SAMMSON: variants seen among roughly 807,000 people sequenced by gnomAD.
SAMMSON encodes survival associated mitochondrial melanoma specific oncogenic non-coding RNA.
intron 3 of SAMMSON, among the ~76,000 whole-genome samples, chr3:70,039,608 C>CAG: frequency 7.1e-6 from 1 of 141,810 alleles, no homozygotes; most frequent in South Asian, 2.2e-4. Flanking sequence ...CACACACACA[C>CAG]ACACACACAC....
At chr3:70,301,109 T>C (rs1702344326) in intron 7 of SAMMSON, among the ~76,000 whole-genome samples, 1 of 152,112 alleles carries the variant, frequency 6.6e-6, no homozygotes, top group South Asian at 2.1e-4. Flanking sequence ...GGCTGGGTGA[T>C]AAAGATTATT....
At chr3:70,275,306 T>C (rs905823513) in intron 6 of SAMMSON, among the ~76,000 whole-genome samples, 2 of 152,094 alleles carry the variant, frequency 1.3e-5, no homozygotes, top group African/African-American at 4.8e-5. Context: ...GAGGATCACT[T>C]GAGCCCAGCC....
intron 4 of SAMMSON, among the ~76,000 whole-genome samples, chr3:70,113,297 T>C (rs1453759079): frequency 6.6e-6 from 1 of 152,204 alleles, no homozygotes; most frequent in Non-Finnish European, 1.5e-5. Flanking sequence ...CCCAAATCAA[T>C]TTTTCCATGT....
chr3:70,104,394 A>G (rs1365933399), intron 4 of SAMMSON, among the ~76,000 whole-genome samples: 3 of 152,034 alleles, frequency 2.0e-5, no homozygotes, highest in Non-Finnish European at 2.9e-5. Context: ...GAGTGAAATC[A>G]TGCATGCAAG....
intron 6 of SAMMSON, among the ~76,000 whole-genome samples, chr3:70,263,987 C>G (rs1701891800): frequency 6.6e-6 from 1 of 152,140 alleles, no homozygotes; most frequent in African/African-American, 2.4e-5. Flanking sequence ...TTCAGGCTCT[C>G]CTACTCTGTC....
At chr3:70,390,493 CT>C (rs1421544278), downstream of SAMMSON, among the ~76,000 whole-genome samples, 2 of 152,066 alleles carry the variant, frequency 1.3e-5, no homozygotes, top group African/African-American at 4.8e-5. Context: ...CCTCAAGAAG[CT>C]TCCAATCATG....
chr3:70,236,435 T>A (rs1701609752), intron 4 of SAMMSON, among the ~76,000 whole-genome samples: 1 of 152,230 alleles, frequency 6.6e-6, no homozygotes, highest in African/African-American at 2.4e-5. Context: ...CCTATTTGTT[T>A]ATTAGCCTTA....
intron 4 of SAMMSON, among the ~76,000 whole-genome samples, chr3:70,109,225 AAC>A (rs1289676473): frequency 6.6e-6 from 1 of 152,086 alleles, no homozygotes; most frequent in Non-Finnish European, 1.5e-5. Flanking sequence ...CACTCACATA[AAC>A]ACAAGTCTAC....
chr3:70,346,092 C>T (rs935610541), intron 7 of SAMMSON, among the ~76,000 whole-genome samples: 2 of 152,054 alleles, frequency 1.3e-5, no homozygotes, highest in Non-Finnish European at 2.9e-5. Flanking sequence ...CTCTGTGTTC[C>T]CACTAGGACT....
At chr3:70,095,708 A>G (rs2067320720) in intron 4 of SAMMSON, among the ~76,000 whole-genome samples, 2 of 152,182 alleles carry the variant, frequency 1.3e-5, no homozygotes, top group South Asian at 4.1e-4. Context: ...TGAGGGTTAA[A>G]TAAGAAAATA....
At chr3:70,291,147 A>G (rs894914151) in intron 6 of SAMMSON, 2 of 152,116 alleles carry the variant, frequency 1.3e-5, no homozygotes, top group East Asian at 1.9e-4. Flanking sequence ...CATAAAAAGT[A>G]TTTTTCACAT....
At chr3:70,303,675 G>A (rs916575389) in intron 7 of SAMMSON, among the ~76,000 whole-genome samples, 6 of 152,110 alleles carry the variant, frequency 3.9e-5, no homozygotes, top group African/African-American at 1.4e-4. Context: ...CTCTTTGATA[G>A]TTCTTTATTT....
At chr3:70,117,996 C>A (rs1039417747) in intron 4 of SAMMSON, among the ~76,000 whole-genome samples, 1 of 152,142 alleles carries the variant, frequency 6.6e-6, no homozygotes. Flanking sequence ...CGGCTCACTG[C>A]AACCTCCACC....
chr3:70,119,551 A>G (rs1280028701), intron 4 of SAMMSON, among the ~76,000 whole-genome samples: 1 of 152,202 alleles, frequency 6.6e-6, no homozygotes, highest in Non-Finnish European at 1.5e-5. Context: ...TCAGGAAAAT[A>G]TTGTGAGTCC....
At chr3:70,338,318 A>G (rs1169858533) in intron 7 of SAMMSON, among the ~76,000 whole-genome samples, 1 of 151,976 alleles carries the variant, frequency 6.6e-6, no homozygotes, top group Non-Finnish European at 1.5e-5. Flanking sequence ...AAACAGGAGG[A>G]TAATGAAATA....
intron 7 of SAMMSON, among the ~76,000 whole-genome samples, chr3:70,309,874 C>A (rs758128250): frequency 2.0e-5 from 3 of 152,120 alleles, no homozygotes; most frequent in Non-Finnish European, 2.9e-5. Flanking sequence ...TACAAGAATT[C>A]AATGCCTACG....
At chr3:70,051,153 A>G (rs1295771019) in intron 3 of SAMMSON, among the ~76,000 whole-genome samples, 19 of 148,168 alleles carry the variant, frequency 1.3e-4, no homozygotes, top group African/African-American at 4.7e-4. Flanking sequence ...AAAAAAAAAA[A>G]AAAAAAAGAA....
intron 6 of SAMMSON, among the ~76,000 whole-genome samples, chr3:70,269,033 G>A (rs1459390803): frequency 6.6e-6 from 1 of 152,022 alleles, no homozygotes; most frequent in Non-Finnish European, 1.5e-5. Flanking sequence ...GAATTCTATT[G>A]TGATAGGATA....
chr3:70,412,079 C>T (rs1237428520), intron 2 of SAMMSON, among the ~76,000 whole-genome samples: 2 of 152,252 alleles, frequency 1.3e-5, no homozygotes, highest in African/African-American at 2.4e-5. Context: ...TTTTCAATTT[C>T]CTTTCATGTT....
Sources: gnomAD v4.1 joint callset for allele counts (sites outside exome capture counted in the v4.1 genomes callset) on GRCh38, gnomAD v4.1.1 for gene constraint, MANE v1.5 for transcripts, NCBI Gene and HGNC (gene_info 2026-07-23, HGNC 2026-07-21) for gene names.